The following KANK1 variants were observed in gnomAD, a reference collection of about 807,000 sequenced individuals.
KANK1 encodes the protein KN motif and ankyrin repeat domains 1.
Under a neutral mutation model 106.2 loss-of-function variants are expected in KANK1, and 109 were observed. The ratio of observed to expected loss-of-function variants is 1.03; its 90% confidence interval spans 0.88 to 1.20. The LOEUF (loss-of-function observed/expected upper bound fraction) is 1.20. Among genes scored for constraint, KANK1 ranks in the 50% most tolerant of loss-of-function variants. The pLI, the probability that KANK1 is intolerant of heterozygous loss-of-function variation, is 0.00. For synonymous variants in KANK1, 873 were observed against 652.2 expected, an observed-to-expected ratio of 1.34 and a Z score of -5.16; for missense variants, 2,399 against 1,710.7, an observed-to-expected ratio of 1.40 and a Z score of -7.10.
At chr9:535,098 G>T (rs1379019116) in intron 1 of KANK1, among the ~76,000 whole-genome samples, 1 of 152,216 alleles carries the variant, frequency 6.6e-6, no homozygotes, top group East Asian at 1.9e-4. Context: ...ACTCTGCCCA[G>T]TGTTCTCAGA....
At chr9:674,673 GT>G (rs1375666322) in intron 1 of KANK1, among the ~76,000 whole-genome samples, 2 of 151,994 alleles carry the variant, frequency 1.3e-5, no homozygotes, top group African/African-American at 2.4e-5. Flanking sequence ...TTCCCTGAGG[GT>G]TTTAAAGCAA....
chr9:730,084 G>A lies in KANK1; in HGVS notation c.2732G>A (p.Gly911Asp), dbSNP rs781428726. Residue 911 changes from glycine (G) to aspartate (D), a missense_variant, in exon 4 of 12, where the codon GGC becomes GAC. Coordinates refer to ENST00000382297, the MANE Select transcript of KANK1 (RefSeq NM_015158.5). ...TTGGGATATACCTGTAAGTGTGGGG[G>A]CCTTCAGTCAGGAAGTCCCTTAAGC... Reference protein sequence around the residue: ...NYLGYTCKCGGLQSGSPLSSQ... With the variant: ...NYLGYTCKCGDLQSGSPLSSQ... 1 of 1,614,038 alleles carries A rather than the reference G, an allele frequency of 6.2e-7. No homozygotes were observed. Among genetic ancestry groups the A allele is most frequent in the East Asian group, 2.2e-5 (1 of 44,896 alleles).
chr9:669,080 C>A (rs934823432), intron 1 of KANK1, among the ~76,000 whole-genome samples: 1 of 152,108 alleles, frequency 6.6e-6, no homozygotes, highest in Non-Finnish European at 1.5e-5. Context: ...TTTAAAACAA[C>A]CCTCCATCTT....
At chr9:520,895 G>T (rs1365381014) in intron 1 of KANK1, among the ~76,000 whole-genome samples, 5 of 151,658 alleles carry the variant, frequency 3.3e-5, no homozygotes, top group African/African-American at 1.2e-4. Flanking sequence ...TGCATGCATT[G>T]TTAGTATCCT....
intron 1 of KANK1, among the ~76,000 whole-genome samples, chr9:618,244 T>G (rs1832313234): frequency 6.6e-6 from 1 of 152,186 alleles, no homozygotes. Flanking sequence ...AGTCTCGCCC[T>G]GTCACACAGG....
intron 1 of KANK1, among the ~76,000 whole-genome samples, chr9:631,432 C>G (rs995453493): frequency 6.6e-6 from 1 of 152,100 alleles, no homozygotes; most frequent in Non-Finnish European, 1.5e-5. Flanking sequence ...TCAACTATAC[C>G]CTTGAGCTCA....
At chr9:604,010 C>G (rs1249805449) in intron 1 of KANK1, among the ~76,000 whole-genome samples, 1 of 148,232 alleles carries the variant, frequency 6.7e-6, no homozygotes, top group African/African-American at 2.5e-5. Flanking sequence ...TGCTTGGTTT[C>G]TTTGTCTTTG....
At chr9:618,289 A>C (rs1418332502) in intron 1 of KANK1, among the ~76,000 whole-genome samples, 1 of 151,990 alleles carries the variant, frequency 6.6e-6, no homozygotes, top group African/African-American at 2.4e-5. Flanking sequence ...GCTCACTGCA[A>C]CCTCCACCTG....
At chr9:509,754 C>T (rs1227079865) in intron 1 of KANK1, among the ~76,000 whole-genome samples, 1 of 152,082 alleles carries the variant, frequency 6.6e-6, no homozygotes, top group Non-Finnish European at 1.5e-5. Context: ...TAAACTGCTG[C>T]CTGCAGAGTT....
At chr9:516,806 T>C (rs2059296918) in intron 1 of KANK1, among the ~76,000 whole-genome samples, 1 of 151,672 alleles carries the variant, frequency 6.6e-6, no homozygotes, top group South Asian at 2.1e-4. Context: ...AGCTATTGAT[T>C]CACTAGTTAT....
At chr9:513,776 G>C (rs922534916) in intron 1 of KANK1, among the ~76,000 whole-genome samples, 6 of 152,164 alleles carry the variant, frequency 3.9e-5, no homozygotes, top group African/African-American at 1.4e-4. Context: ...GATACTTTGG[G>C]AGGCCGAGGC....
At chr9:472,474 T>C (rs147606742) in intron 2 of KANK1, among the ~76,000 whole-genome samples, 76 of 152,290 alleles carry the variant, frequency 5.0e-4, no homozygotes, top group African/African-American at 1.8e-3. Context: ...CTGCAAATGC[T>C]GAAAGTAGGA....
chr9:729,888 C>T (rs976163968), intron 3 of KANK1, among the ~76,000 whole-genome samples, 163 bp from the exon 4 acceptor site: 4 of 152,094 alleles, frequency 2.6e-5, no homozygotes, highest in East Asian at 1.9e-4. Flanking sequence ...AGTCTGCCTA[C>T]GCTAATGAAA....
intron 2 of KANK1, among the ~76,000 whole-genome samples, chr9:687,856 G>C (rs184244682): frequency 2.0e-5 from 3 of 152,066 alleles, no homozygotes; most frequent in African/African-American, 7.3e-5. Context: ...GGTTGTGTGC[G>C]TCACTAATCT....
intron 2 of KANK1, among the ~76,000 whole-genome samples, chr9:690,405 T>A (rs1414141136): frequency 6.6e-6 from 1 of 152,016 alleles, no homozygotes; most frequent in African/African-American, 2.4e-5. Context: ...GAGTAAGCAG[T>A]AGCAGTAGAA....
At chr9:504,869 C>T (rs1393517557) in intron 1 of KANK1, 115 bp downstream of exon 1, 1 of 146,464 alleles carries the variant, frequency 6.8e-6, no homozygotes, top group East Asian at 2.1e-4. Context: ...TTGGCGCGCG[C>T]CGGGGTTGCG....
At chr9:617,895 C>T (rs1001213653) in intron 1 of KANK1, among the ~76,000 whole-genome samples, 15 of 152,258 alleles carry the variant, frequency 9.9e-5, no homozygotes, top group Admixed American at 3.3e-4. Flanking sequence ...GAATTTCTTA[C>T]TGAAAGAGGG....
At chr9:532,237 CTTTTTTTTTTTTT>C (rs34351693) in intron 1 of KANK1, among the ~76,000 whole-genome samples, 1 of 107,768 alleles carries the variant, frequency 9.3e-6, no homozygotes, top group African/African-American at 3.5e-5. Flanking sequence ...GAGCATTTGT[CTTTTTTTTTTTTT>C]TTTTTTTTGA....
intron 1 of KANK1, among the ~76,000 whole-genome samples, chr9:642,352 T>G (rs1414385814): frequency 2.7e-5 from 4 of 150,884 alleles, no homozygotes; most frequent in African/African-American, 5.0e-5. Flanking sequence ...AAAAAGCCAT[T>G]TCCTCATCCT....
Sources: allele counts gnomAD v4.1 joint callset (sites outside exome capture counted in the v4.1 genomes callset), GRCh38; gene constraint gnomAD v4.1.1; transcripts MANE v1.5; gene names NCBI Gene and HGNC (gene_info 2026-07-23, HGNC 2026-07-21).